The following NFIB variants were observed in gnomAD, a reference collection of about 807,000 sequenced individuals.
The protein encoded by NFIB is nuclear factor 1 B-type.
NFIB carries 11 observed loss-of-function variants against 61.5 expected under a neutral mutation model. That is an observed-to-expected ratio of 0.18 (90% CI 0.11 to 0.30). NFIB has a LOEUF of 0.30. Among genes scored for constraint, NFIB ranks in the 10% least tolerant of loss-of-function variants. The pLI is 1.00. For missense variants in NFIB, 471 were observed against 608.9 expected, an observed-to-expected ratio of 0.77 and a Z score of 2.38; for synonymous variants, 260 against 216.5, an observed-to-expected ratio of 1.20 and a Z score of -1.76.
intron 6 of NFIB, among the ~76,000 whole-genome samples, chr9:14,142,142 C>T (rs1390113593): frequency 3.9e-5 from 6 of 152,126 alleles, no homozygotes; most frequent in Non-Finnish European, 8.8e-5. Flanking sequence ...TATGGTTTAG[C>T]TGTGTCCCCA....
chr9:14,274,914 G>C (rs1359300501), intron 2 of NFIB, among the ~76,000 whole-genome samples: 1 of 152,182 alleles, frequency 6.6e-6, no homozygotes, highest in Non-Finnish European at 1.5e-5. Context: ...AGAAATCCAA[G>C]TGAACTGTAT....
At chr9:14,302,029 C>G (rs971415905) in intron 2 of NFIB, among the ~76,000 whole-genome samples, 19 of 152,192 alleles carry the variant, frequency 1.2e-4, no homozygotes, top group African/African-American at 4.3e-4. Flanking sequence ...AAGTATTTCT[C>G]CTACACACAA....
the NFIB span, among the ~76,000 whole-genome samples, chr9:14,483,459 G>A: frequency 1.3e-5 from 2 of 152,144 alleles, no homozygotes; most frequent in South Asian, 2.1e-4. Context: ...ATTTCAGGAC[G>A]CTTCCCTAAT....
At chr9:14,404,561 T>C in the NFIB span, among the ~76,000 whole-genome samples, 4 of 152,220 alleles carry the variant, frequency 2.6e-5, no homozygotes, top group Admixed American at 1.3e-4. Flanking sequence ...CCCATGTTTA[T>C]TTGGAGACTC....
rs2041391029 is a variant in NFIB at position 14,139,044 on chromosome 9, CAAGAA to C, written c.925+7640_925+7644del. 1.3e-5 allele frequency among the ~76,000 whole-genome samples: 2 copies of C among 152,012 alleles called. 1 individual carries two copies. The highest frequency in any genetic ancestry group is 4.1e-4 in the South Asian group (2 of 4,832). ...CTAACAGAGTCTTCCTTAAGCTTTC[CAAGAA>C]AAGTGTCCCTCTGGGAAGACTTGCG... On this transcript the variant is annotated intron_variant, in intron 6 of 10. Transcript: ENST00000380953.
chr9:14,236,061 T>C (rs930894583), intron 2 of NFIB, among the ~76,000 whole-genome samples: 1 of 152,228 alleles, frequency 6.6e-6, no homozygotes, highest in East Asian at 1.9e-4. Context: ...ATTTAAATAA[T>C]AGCATTGATC....
intron 2 of NFIB, among the ~76,000 whole-genome samples, chr9:14,294,749 G>A (rs998562309): frequency 6.6e-6 from 1 of 152,136 alleles, no homozygotes; most frequent in African/African-American, 2.4e-5. Context: ...AGAACCCCTA[G>A]GTACGTGATA....
chr9:14,229,601 C>A (rs73645018), intron 2 of NFIB, among the ~76,000 whole-genome samples: 2,569 of 152,262 alleles, frequency 0.017, 83 homozygotes, highest in African/African-American at 0.057. Context: ...TTCCTTTCTG[C>A]TGAGGAAGAA....
chr9:14,399,483 A>T (rs2061721100), upstream of NFIB, among the ~76,000 whole-genome samples: 1 of 152,212 alleles, frequency 6.6e-6, no homozygotes, highest in South Asian at 2.1e-4. Flanking sequence ...AGTTAAAAAT[A>T]GGCAAAAAAT....
At chr9:14,359,494 A>G (rs1287805824) in intron 1 of NFIB, among the ~76,000 whole-genome samples, 1 of 152,226 alleles carries the variant, frequency 6.6e-6, no homozygotes, top group Non-Finnish European at 1.5e-5. Flanking sequence ...TGAGAAAGAA[A>G]CAAAATCTCC....
chr9:14,203,175 T>TTC (rs1587570742), intron 2 of NFIB, among the ~76,000 whole-genome samples: 1 of 152,062 alleles, frequency 6.6e-6, no homozygotes, highest in East Asian at 1.9e-4. Context: ...ATTTTTTTTT[T>TTC]CCTAAAGCAA....
intron 10 of NFIB, among the ~76,000 whole-genome samples, chr9:14,097,876 T>TTTTTTTC (rs2035100396): frequency 1.1e-5 from 1 of 87,628 alleles, no homozygotes; most frequent in Non-Finnish European, 2.5e-5. Context: ...TTCTTTTTTC[T>TTTTTTTC]TTTTTTTTTT....
At chr9:14,449,565 T>C in the NFIB span, among the ~76,000 whole-genome samples, 173 of 152,330 alleles carry the variant, frequency 1.1e-3, no homozygotes, top group African/African-American at 3.7e-3. Context: ...TTAAATTTGT[T>C]GAAATGCATC....
the NFIB span, among the ~76,000 whole-genome samples, chr9:14,442,986 T>A: frequency 6.6e-6 from 1 of 151,908 alleles, no homozygotes; most frequent in African/African-American, 2.4e-5. Context: ...CCAAGTGTGG[T>A]GGCAGGCAAA....
rs143853673 is a variant in NFIB, at chr9:14,154,359, A to G, written c.685+1466T>C. On this transcript the variant is annotated intron_variant, in intron 4 of 10. Transcript: ENST00000380953. ...TAATAAGCCTCCTAACTGGAGCACC[A>G]TAAGCCTTTCCGCTAAAGAAGAGTA... 1.8e-3 allele frequency among the ~76,000 whole-genome samples: 267 copies of G among 152,282 alleles called. 2 individuals carry two copies. The highest frequency in any genetic ancestry group is 3.4e-3 in the Middle Eastern group (1 of 294).
intron 1 of NFIB, among the ~76,000 whole-genome samples, chr9:14,395,600 G>C (rs999542531): frequency 6.6e-6 from 1 of 151,986 alleles, no homozygotes; most frequent in Non-Finnish European, 1.5e-5. Context: ...TCTGTATGCA[G>C]CATGACCTCT....
intron 2 of NFIB, among the ~76,000 whole-genome samples, chr9:14,294,806 C>T (rs537576105): frequency 1.3e-5 from 2 of 152,158 alleles, no homozygotes; most frequent in African/African-American, 4.8e-5. Context: ...CCTTTTTACC[C>T]TACGTCAATG....
intron 1 of NFIB, among the ~76,000 whole-genome samples, chr9:14,386,918 C>A (rs369953021): frequency 6.6e-6 from 1 of 152,156 alleles, no homozygotes; most frequent in Non-Finnish European, 1.5e-5. Flanking sequence ...AAAGGAAAGT[C>A]GGTTGCATTT....
chr9:14,529,215 GTC>G, the NFIB span, among the ~76,000 whole-genome samples: 1 of 152,232 alleles, frequency 6.6e-6, no homozygotes, highest in East Asian at 1.9e-4. Context: ...GGACAACTAC[GTC>G]TTGTTTGGGC....
Sources: gnomAD v4.1 joint callset for allele counts (sites outside exome capture counted in the v4.1 genomes callset) on GRCh38, gnomAD v4.1.1 for gene constraint, MANE v1.5 for transcripts, NCBI Gene and HGNC (gene_info 2026-07-23, HGNC 2026-07-21) for gene names.